RANBP2: variants seen among roughly 807,000 people sequenced by gnomAD.
The protein encoded by RANBP2 is E3 SUMO-protein ligase RanBP2.
In RANBP2, 57 loss-of-function variants were observed where a neutral mutation model predicts 303.6. That is an observed-to-expected ratio of 0.19 (90% CI 0.15 to 0.23). The LOEUF is 0.23. RANBP2 is among the 10% of genes least tolerant of loss of function. The probability of loss-of-function intolerance (pLI) is 1.00; values close to 1 mark genes in which losing one functional copy is unlikely to be tolerated. For missense variants in RANBP2, 3,138 were observed against 3,780.8 expected (o/e 0.83, Z 4.46); for synonymous variants, 1,167 against 1,301.5 (o/e 0.90, Z 2.23).
chr2:109,561,557 C>T, the RANBP2 span, among the ~76,000 whole-genome samples: 2 of 152,222 alleles, frequency 1.3e-5, no homozygotes, highest in African/African-American at 4.8e-5. Context: ...TCCCAAATTA[C>T]TATGGCAGCC....
At chr2:109,429,432 T>A in the RANBP2 span, among the ~76,000 whole-genome samples, 1 of 152,218 alleles carries the variant, frequency 6.6e-6, no homozygotes. Flanking sequence ...GAGTGAAGGA[T>A]TACTCATCAA....
chr2:109,606,883 C>T, the RANBP2 span, among the ~76,000 whole-genome samples: 2 of 151,834 alleles, frequency 1.3e-5, no homozygotes, highest in African/African-American at 2.4e-5. Flanking sequence ...AACTCCTGAC[C>T]GGAGGTGACC....
At chr2:109,216,185 C>T in the RANBP2 span, among the ~76,000 whole-genome samples, 6 of 152,152 alleles carry the variant, frequency 3.9e-5, no homozygotes, top group East Asian at 1.2e-3. Flanking sequence ...GAACTGGGAT[C>T]CACTAGGCAC....
At chr2:109,730,494 A>G in the RANBP2 span, among the ~76,000 whole-genome samples, 1 of 152,202 alleles carries the variant, frequency 6.6e-6, no homozygotes, top group East Asian at 1.9e-4. Flanking sequence ...ATGACTTGTA[A>G]AAGTTAACAG....
chr2:109,226,173 G>A, the RANBP2 span, among the ~76,000 whole-genome samples: 1 of 152,186 alleles, frequency 6.6e-6, no homozygotes, highest in African/African-American at 2.4e-5. Context: ...TGTTTCCCAG[G>A]TTTATGAACC....
At chr2:109,127,651 C>G in the RANBP2 span, 3 of 152,110 alleles carry the variant, frequency 2.0e-5, no homozygotes. Context: ...TTGAGACTAG[C>G]CTGGGCAACA....
At chr2:109,383,151 A>T in the RANBP2 span, among the ~76,000 whole-genome samples, 1 of 152,232 alleles carries the variant, frequency 6.6e-6, no homozygotes, top group Admixed American at 6.5e-5. Context: ...CTTTTCAGGC[A>T]TGGAAGTGAA....
the RANBP2 span, among the ~76,000 whole-genome samples, chr2:108,900,165 A>G: frequency 2.0e-5 from 3 of 152,242 alleles, no homozygotes; most frequent in Non-Finnish European, 4.4e-5. Flanking sequence ...GAATAAAAAA[A>G]CACAGAAATG....
chr2:109,524,552 T>A, the RANBP2 span, among the ~76,000 whole-genome samples: 1 of 150,148 alleles, frequency 6.7e-6, no homozygotes, highest in Admixed American at 6.6e-5. Flanking sequence ...AGGCTAGGAG[T>A]TCGAGACCAG....
chr2:108,720,003 C>G, intron 1 of RANBP2: 5 of 985,338 alleles, frequency 5.1e-6, no homozygotes, highest in Non-Finnish European at 6.0e-6. Context: ...ACCCGCGCGG[C>G]CTAGTTCTCG....
the RANBP2 span, among the ~76,000 whole-genome samples, chr2:108,988,589 G>A: frequency 1.3e-5 from 2 of 152,068 alleles, no homozygotes; most frequent in East Asian, 1.9e-4. Flanking sequence ...TCCCTGCCGC[G>A]CCTGCCTTCC....
the RANBP2 span, among the ~76,000 whole-genome samples, chr2:109,387,931 C>T: frequency 2.8e-4 from 42 of 152,220 alleles, no homozygotes; most frequent in Admixed American, 2.3e-3. Context: ...TGCTCCCACA[C>T]TGGCCCAGAT....
chr2:108,733,947 T>C (rs2149120861), intron 4 of RANBP2, among the ~76,000 whole-genome samples: 1 of 152,084 alleles, frequency 6.6e-6, no homozygotes, highest in Non-Finnish European at 1.5e-5. Flanking sequence ...AAACAGTTTC[T>C]GACATTTGTT....
At chr2:108,963,151 C>G in the RANBP2 span, among the ~76,000 whole-genome samples, 2 of 152,214 alleles carry the variant, frequency 1.3e-5, no homozygotes, top group Non-Finnish European at 2.9e-5. Context: ...TGACTGTGTG[C>G]ACGAGTCCAA....
At chr2:109,306,257 G>A in the RANBP2 span, among the ~76,000 whole-genome samples, 2 of 152,190 alleles carry the variant, frequency 1.3e-5, no homozygotes, top group Non-Finnish European at 2.9e-5. Context: ...CAGTGGGGCC[G>A]GGATGAGGGG....
chr2:108,780,339 C>T (rs1275812340), intron 25 of RANBP2, among the ~76,000 whole-genome samples: 3 of 148,438 alleles, frequency 2.0e-5, no homozygotes, highest in Non-Finnish European at 4.5e-5. Context: ...ATTACAGGCA[C>T]CCGCCACCAC....
the RANBP2 span, among the ~76,000 whole-genome samples, chr2:109,454,215 A>G: frequency 3.3e-5 from 5 of 152,218 alleles, no homozygotes; most frequent in Non-Finnish European, 1.5e-5. Context: ...TACAATCCTC[A>G]TTTCTGTAGC....
At chr2:108,815,294 TA>T in the RANBP2 span, among the ~76,000 whole-genome samples, 2 of 152,056 alleles carry the variant, frequency 1.3e-5, no homozygotes, top group Non-Finnish European at 2.9e-5. Context: ...AAGTTAAGGC[TA>T]ATTTTACTTT....
chr2:108,740,429 A>G, intron 6 of RANBP2, 60 bp from the exon 7 acceptor site: 1 of 1,595,538 alleles, frequency 6.3e-7, no homozygotes, highest in Admixed American at 1.7e-5. Context: ...AATTAAATAA[A>G]CCATGATTAT....
Sources: allele counts gnomAD v4.1 joint callset (sites outside exome capture counted in the v4.1 genomes callset), GRCh38; gene constraint gnomAD v4.1.1; transcripts MANE v1.5; gene names NCBI Gene and HGNC (gene_info 2026-07-23, HGNC 2026-07-21).